Variants in P2RY8 observed in about 807,000 individuals in gnomAD.
The protein encoded by P2RY8 is S-geranylgeranyl-glutathione receptor P2RY8.
Under a neutral mutation model 10.0 loss-of-function variants are expected in P2RY8, and 6 were observed. The ratio of observed to expected loss-of-function variants is 0.60; its 90% CI spans 0.33 to 1.19. The LOEUF (loss-of-function observed/expected upper bound fraction) is 1.19, where lower values mean the gene tolerates loss of function less well. Among genes scored for constraint, P2RY8 ranks in the 50% most tolerant of loss-of-function variants. P2RY8 has a pLI of 0.04. For missense variants in P2RY8, 456 were observed against 542.0 expected, an observed-to-expected ratio of 0.84 and a Z score of 1.58; for synonymous variants, 276 against 252.5, an observed-to-expected ratio of 1.09 and a Z score of -0.88.
chrX:1,509,161 T>TTCTATCTA (rs56651378), intron 1 of P2RY8, among the ~76,000 whole-genome samples: 8,644 of 144,582 alleles, frequency 0.06, 259 homozygotes, highest in Non-Finnish European at 0.074. Context: ...TATCCATCCA[T>TTCTATCTA]TCTATCTATC....
intron 1 of P2RY8, among the ~76,000 whole-genome samples, chrX:1,530,161 T>G (rs866119911): frequency 0.034 from 89 of 2,626 alleles, no homozygotes; most frequent in African/African-American, 0.05. Flanking sequence ...ATGTATGATC[T>G]ATCTATCTAT....
At chrX:1,498,401 G>C (rs1345680597) in intron 1 of P2RY8, among the ~76,000 whole-genome samples, 1 of 101,062 alleles carries the variant, frequency 9.9e-6, no homozygotes, top group African/African-American at 3.6e-5. Flanking sequence ...GCGAGACTCT[G>C]TCTCAAAAAA....
chrX:1,531,250 A>G (rs1419908275), intron 1 of P2RY8, among the ~76,000 whole-genome samples: 1 of 152,072 alleles, frequency 6.6e-6, no homozygotes, highest in East Asian at 1.9e-4. Flanking sequence ...ACGCTGCTCT[A>G]CACCCTACAA....
intron 1 of P2RY8, among the ~76,000 whole-genome samples, chrX:1,467,679 G>C (rs1380996817): frequency 2.0e-5 from 3 of 152,136 alleles, no homozygotes; most frequent in African/African-American, 7.2e-5. Flanking sequence ...TTGTTCTTTT[G>C]TTTGTTTGTT....
intron 1 of P2RY8, among the ~76,000 whole-genome samples, chrX:1,484,724 T>TAAAAAAAAAAAAAAAAA (rs1171758279): frequency 3.6e-4 from 6 of 16,786 alleles, no homozygotes; most frequent in Admixed American, 1.4e-3. Context: ...CAAAACCCTG[T>TAAAAAAAAAAAAAAAAA]AAAAAAAAAA....
At chrX:1,504,993 C>T (rs1362305291) in intron 1 of P2RY8, among the ~76,000 whole-genome samples, 1 of 152,016 alleles carries the variant, frequency 6.6e-6, no homozygotes, top group Non-Finnish European at 1.5e-5. Flanking sequence ...AATAAATTAG[C>T]CGGGCGTGGT....
At chrX:1,506,808 C>G (rs772064250) in intron 1 of P2RY8, among the ~76,000 whole-genome samples, 16 of 151,720 alleles carry the variant, frequency 1.1e-4, no homozygotes, top group Admixed American at 5.9e-4. Context: ...CTCCCGAGTA[C>G]CTGGGATTAC....
At chrX:1,489,670 C>T (rs1205849895) in intron 1 of P2RY8, among the ~76,000 whole-genome samples, 3 of 151,662 alleles carry the variant, frequency 2.0e-5, no homozygotes, top group Non-Finnish European at 1.5e-5. Flanking sequence ...GAATGATACC[C>T]CAGATTCACT....
intron 1 of P2RY8, among the ~76,000 whole-genome samples, chrX:1,518,972 ATT>A (rs1398765232): frequency 1.8e-4 from 27 of 149,910 alleles, no homozygotes; most frequent in Middle Eastern, 3.4e-3. Flanking sequence ...GGTCCTCAGT[ATT>A]TTCTCAGATC....
At chrX:1,473,943 G>T (rs1386246781) in intron 1 of P2RY8, among the ~76,000 whole-genome samples, 4 of 151,334 alleles carry the variant, frequency 2.6e-5, no homozygotes, top group South Asian at 2.1e-4. Flanking sequence ...GGATGGGTGG[G>T]TGGATGGATG....
intron 1 of P2RY8, among the ~76,000 whole-genome samples, chrX:1,527,601 T>G (rs1415356911): frequency 6.6e-6 from 1 of 152,118 alleles, no homozygotes; most frequent in African/African-American, 2.4e-5. Context: ...CATCTGTTCA[T>G]CCATCCATCC....
chrX:1,464,133 G>A lies in P2RY8; in HGVS notation c.*1346C>T, dbSNP rs1466343681. 3.8e-4 allele frequency: 89 copies of A among 233,216 alleles called. 1 individual carries two copies. The highest frequency in any genetic ancestry group is 4.7e-4 in the Non-Finnish European group (55 of 118,104). 14.4% of individuals were successfully genotyped at this position (233,216 alleles called of 1,614,324 possible). On this transcript the variant is annotated 3_prime_UTR_variant, in exon 2 of 2. Transcript: ENST00000381297. ...CCGGGCATCCAAGGCCACCCACTGC[G>A]GAGACGCAGAGCCCGTGGGCAGACA... is the stretch of plus-strand genomic sequence containing the variant.
chrX:1,535,664 C>A (rs148347772), intron 1 of P2RY8, among the ~76,000 whole-genome samples: 2 of 150,542 alleles, frequency 1.3e-5, no homozygotes, highest in African/African-American at 2.4e-5. Flanking sequence ...ATCCACGTTA[C>A]GTAAAGATAA....
At chrX:1,528,820 G>C (rs1399553774) in intron 1 of P2RY8, among the ~76,000 whole-genome samples, 1 of 152,134 alleles carries the variant, frequency 6.6e-6, no homozygotes, top group Non-Finnish European at 1.5e-5. Flanking sequence ...GTGGGTTTGA[G>C]TCTCTTTGAA....
rs1229984773 is a variant in P2RY8, at chrX:1,468,128, G to A, written c.-24-1546C>T. ...AATATTTTTATTTTCTGTAGACATG[G>A]GGTTTGGCTATGTTGCCCAGGCTGG... On this transcript the variant is annotated intron_variant, in intron 1 of 1. Coordinates refer to ENST00000381297, the MANE Select transcript of P2RY8 (RefSeq NM_178129.5). Among the ~76,000 whole-genome samples the A allele has an allele frequency of 3.3e-5, 5 of 150,336 alleles. No individual in the cohort carries two copies. In the East Asian group the frequency reaches 7.9e-4, roughly 24 times the overall value.
chrX:1,501,935 A>T (rs2092184694), intron 1 of P2RY8, among the ~76,000 whole-genome samples: 1 of 149,744 alleles, frequency 6.7e-6, no homozygotes, highest in Non-Finnish European at 1.5e-5. Flanking sequence ...TTTTGAGACG[A>T]AATCTCGCTC....
At chrX:1,516,588 G>A (rs1197701239) in intron 1 of P2RY8, among the ~76,000 whole-genome samples, 3 of 150,840 alleles carry the variant, frequency 2.0e-5, no homozygotes, top group African/African-American at 7.3e-5. Flanking sequence ...GGGAGAAGAT[G>A]GCGTCTCCAA....
chrX:1,511,717 C>A (rs1199768759), intron 1 of P2RY8, among the ~76,000 whole-genome samples: 1 of 152,202 alleles, frequency 6.6e-6, no homozygotes, highest in African/African-American at 2.4e-5. Context: ...ACCTTCCATT[C>A]TCTTGACGGC....
In P2RY8 at chrX:1,465,363, T is replaced by G. The variant is rs2091649894; in HGVS notation, c.*116A>C. On this transcript the variant is annotated 3_prime_UTR_variant, in exon 2 of 2. Coordinates refer to ENST00000381297, the MANE Select transcript of P2RY8 (RefSeq NM_178129.5). ...TGGAGACCCTTCCCCACCGGGCCTC[T>G]GCAGTGCCTGGGAGCAACGCAGCTG... 8.1e-6 allele frequency: 12 copies of G among 1,483,310 alleles called. 1 individual carries two copies. In the South Asian group the frequency reaches 1.6e-4, roughly 20 times the overall value. The allele number at this position is 1,483,310 out of a possible 1,614,324, so 91.9% of individuals were successfully genotyped here. A position where few individuals can be genotyped will look rare whatever the true frequency, so the allele number is the denominator to read the frequency against.
Sources: gnomAD v4.1 joint callset for allele counts (sites outside exome capture counted in the v4.1 genomes callset) on GRCh38, gnomAD v4.1.1 for gene constraint, MANE v1.5 for transcripts, NCBI Gene and HGNC (gene_info 2026-07-23, HGNC 2026-07-21) for gene names.